Variants in TTC21B observed in about 807,000 individuals in gnomAD.
TTC21B encodes tetratricopeptide repeat protein 21B.
TTC21B carries 127 observed loss-of-function variants against 175.1 expected under a neutral mutation model. The ratio of observed to expected loss-of-function variants is 0.73; its 90% CI spans 0.63 to 0.84. The LOEUF (loss-of-function observed/expected upper bound fraction) is 0.84, where lower values mean the gene tolerates loss of function less well. TTC21B is among the 40% of genes least tolerant of loss of function. The pLI is 0.00. For missense variants in TTC21B, 1,561 were observed against 1,558.3 expected, an observed-to-expected ratio of 1.00 and a Z score of -0.03; for synonymous variants, 524 against 524.5, an observed-to-expected ratio of 1.00 and a Z score of 0.01.
In TTC21B at chr2:165,949,407, C is replaced by A. The variant is rs766745130; in HGVS notation, c.249G>T (p.Met83Ile). 2 of 1,610,534 alleles carry A rather than the reference C, an allele frequency of 1.2e-6. No homozygotes were observed. Among genetic ancestry groups the A allele is most frequent in the South Asian group, 1.1e-5 (1 of 91,010 alleles). ...SLLALIYAHKMSPNPDREAIL... is the reference protein window; with the variant it reads ...SLLALIYAHKISPNPDREAIL... ...TAAATATCATACCTGGATTAGGACT[C>A]ATTTTATGGGCATATATCAGTGCAA... Residue 83 changes from methionine (M) to isoleucine (I), a missense_variant, in exon 3 of 29, where the codon ATG (methionine) becomes ATT (isoleucine). Physicochemically the swap from Met to Ile is conservative, Grantham distance 10 (BLOSUM62 1). Coordinates refer to ENST00000243344, the MANE Select transcript of TTC21B (RefSeq NM_024753.5).
chr2:165,948,438 GT>G, intron 3 of TTC21B: 1 of 152,260 alleles, frequency 6.6e-6, no homozygotes, highest in East Asian at 1.9e-4. Flanking sequence ...ATATTTACAT[GT>G]TTTAAATAAC....
chr2:165,929,750 A>G lies in TTC21B; in HGVS notation c.1088-3T>C, dbSNP rs761658519. The G allele has an allele frequency of 6.2e-7, 1 of 1,600,502 alleles. No individual in the cohort carries two copies. The highest frequency in any genetic ancestry group is 2.2e-5 in the East Asian group (1 of 44,724). On this transcript the variant is annotated splice_region_variant and splice_polypyrimidine_tract_variant and intron_variant, in intron 9 of 28. Coordinates refer to ENST00000243344, the MANE Select transcript of TTC21B (RefSeq NM_024753.5). ...TATCAACTGACATTGGATAAATCCT[A>G]AAATCAAACAGCAGAAAGACAGTCA...
At chr2:165,944,293 C>T (rs558608437) in intron 4 of TTC21B, among the ~76,000 whole-genome samples, 1 of 152,230 alleles carries the variant, frequency 6.6e-6, no homozygotes, top group African/African-American at 2.4e-5. Context: ...TAGATCACTT[C>T]CCTTTAAGAT....
At position 165,923,263 on chromosome 2, in the gene TTC21B, G is replaced by T. The variant is rs567402332; in HGVS notation, c.1516+1286C>A. Reference sequence around the variant, plus strand: ...TTGAAATAAAAAATAAAAAAATAAAGAAAACAGAGGTCCAAGGAAGCAGTA... The same window carrying T: ...TTGAAATAAAAAATAAAAAAATAAATAAAACAGAGGTCCAAGGAAGCAGTA... On this transcript the variant is annotated intron_variant, in intron 12 of 28. Coordinates refer to ENST00000243344, the MANE Select transcript of TTC21B (RefSeq NM_024753.5). Among the ~76,000 whole-genome samples, 92 of 151,890 alleles carry T rather than the reference G, an allele frequency of 6.1e-4. 1 individual carries two copies. Among genetic ancestry groups the T allele is most frequent in the African/African-American group, 2.2e-3 (90 of 41,422 alleles).
intron 18 of TTC21B, 135 bp from the exon 19 acceptor site, chr2:165,907,919 C>A: frequency 1.6e-6 from 1 of 610,642 alleles, no homozygotes; most frequent in East Asian, 3.0e-5. Context: ...TTTTCTCAAT[C>A]AGTTGCCTGA....
chr2:165,875,016 G>A (rs1205586609), intron 28 of TTC21B, among the ~76,000 whole-genome samples, 184 bp from the exon 29 acceptor site: 1 of 152,076 alleles, frequency 6.6e-6, no homozygotes, highest in Non-Finnish European at 1.5e-5. Context: ...ATTAATGGTA[G>A]TTAGATGAGA....
At chr2:165,894,033 G>C (rs1487669952) in intron 22 of TTC21B, among the ~76,000 whole-genome samples, 1 of 152,114 alleles carries the variant, frequency 6.6e-6, no homozygotes, top group African/African-American at 2.4e-5. Context: ...TGATATGCTA[G>C]TCCTATGATG....
chr2:165,891,525 A>G (rs1358921982), intron 22 of TTC21B, among the ~76,000 whole-genome samples: 1 of 152,124 alleles, frequency 6.6e-6, no homozygotes, highest in African/African-American at 2.4e-5. Context: ...CTAGAACCTT[A>G]GCATATTAGT....
At position 165,873,700 on chromosome 2, in the gene TTC21B, C is replaced by T. The variant is rs1028814583; in HGVS notation, c.*1055G>A. The T allele has an allele frequency of 2.0e-5, 3 of 152,102 alleles. No homozygotes were observed. The highest frequency in any genetic ancestry group is 1.3e-4 in the Admixed American group (2 of 15,260). The allele number at this position is 152,102 out of a possible 1,614,324, so 9.4% of individuals were successfully genotyped here. ...AGGTTAAATATCCCTAATAAGGGACCTATTTAAATTGAGGTTTCAGGACCT... is the reference window on the plus strand; with the variant it reads ...AGGTTAAATATCCCTAATAAGGGACTTATTTAAATTGAGGTTTCAGGACCT... On this transcript the variant is annotated 3_prime_UTR_variant, in exon 29 of 29. Transcript: ENST00000243344.
intron 25 of TTC21B, 108 bp downstream of exon 25, chr2:165,888,171 G>T: frequency 1.1e-6 from 1 of 885,774 alleles, no homozygotes; most frequent in Non-Finnish European, 1.8e-6. Context: ...TTTAATAAAA[G>T]TTAAGTAATT....
intron 8 of TTC21B, 31 bp from the exon 9 acceptor site, chr2:165,930,395 C>T: frequency 6.7e-7 from 1 of 1,486,090 alleles, no homozygotes; most frequent in South Asian, 1.2e-5. Context: ...TGTAAGATTT[C>T]AAAGTCTAAC....
At position 165,915,376 on chromosome 2, in the gene TTC21B, G is replaced by A. The variant is rs138937289; in HGVS notation, c.1963C>T (p.Arg655Trp). The A allele has an allele frequency of 4.5e-5, 73 of 1,613,920 alleles. No homozygotes were observed. The highest frequency in any genetic ancestry group is 5.8e-5 in the Non-Finnish European group (68 of 1,179,990). ...HEFSGTSEEV[R>W]VTIANADLAL... ...AGGTCTGCATTAGCAATGGTAACCCGCACTTCTTCAGATGTTCCAGAAAAT... is the reference window on the plus strand; with the variant it reads ...AGGTCTGCATTAGCAATGGTAACCCACACTTCTTCAGATGTTCCAGAAAAT... The change falls in exon 15 of 29, where the codon CGG becomes TGG. Residue 655 changes from arginine (R) to tryptophan (W), a missense_variant. Physicochemically the swap from Arg to Trp is moderately radical, Grantham distance 101. Coordinates refer to ENST00000243344, the MANE Select transcript of TTC21B (RefSeq NM_024753.5).
At position 165,923,442 on chromosome 2, in the gene TTC21B, CTTTTTTTTT is replaced by C. The variant is rs772438655; in HGVS notation, c.1516+1098_1516+1106del. Among the ~76,000 whole-genome samples, 24 of 130,344 alleles carry C rather than the reference CTTTTTTTTT, an allele frequency of 1.8e-4. No individual in the cohort carries two copies. In the East Asian group the frequency reaches 4.1e-3, roughly 22 times the overall value. 85.5% of individuals were successfully genotyped at this position (130,344 alleles called of 152,430 possible). On this transcript the variant is annotated intron_variant, in intron 12 of 28. Transcript: ENST00000243344. Reference sequence around the variant, plus strand: ...ATACAGACAAGCATAATATGATGGTCTTTTTTTTTTTTTTTTTTTTCCAAGACAGAGTCT... The same window carrying C: ...ATACAGACAAGCATAATATGATGGTCTTTTTTTTTTTCCAAGACAGAGTCT...
Position 165,913,609 on chromosome 2 carries a change from G to T in TTC21B, c.2176C>A (p.Leu726Ile), listed in dbSNP as rs762535321. ...AERMANPRSFLLLGDAYMNIL... is the reference protein window; with the variant it reads ...AERMANPRSFILLGDAYMNIL... ...TTCATGTATGCATCACCAAGGAGAA[G>T]AAAAGACCGAGGGTTAGCCATTCTT... The change falls in exon 16 of 29, where the codon CTT (leucine) becomes ATT (isoleucine). Residue 726 changes from leucine to isoleucine, a missense_variant. Coordinates refer to ENST00000243344, the MANE Select transcript of TTC21B (RefSeq NM_024753.5). 9.4e-5 allele frequency: 151 copies of T among 1,612,974 alleles called. No individual in the cohort carries two copies. Among genetic ancestry groups the T allele is most frequent in the Non-Finnish European group, 1.2e-4 (138 of 1,179,374 alleles).
At chr2:165,924,252 T>C (rs558862435) in intron 12 of TTC21B, among the ~76,000 whole-genome samples, 94 of 152,292 alleles carry the variant, frequency 6.2e-4, no homozygotes, top group Non-Finnish European at 9.7e-4. Context: ...AACCATGGAT[T>C]AATGACTGTA....
chr2:165,943,184 T>G (rs1419629780), intron 5 of TTC21B, 35 bp downstream of exon 5: 2 of 1,610,132 alleles, frequency 1.2e-6, no homozygotes, highest in Admixed American at 1.7e-5. Flanking sequence ...GAATATATTT[T>G]GAAACATGAT....
chr2:165,907,592 G>T, intron 19 of TTC21B, 86 bp downstream of exon 19: 2 of 864,356 alleles, frequency 2.3e-6, no homozygotes, highest in South Asian at 1.4e-5. Context: ...TTGGCCAAAA[G>T]AGATTGCTTT....
Position 165,899,884 on chromosome 2 carries a change from T to C in TTC21B, c.2758-4A>G, listed in dbSNP as rs773942497. Reference sequence around the variant, plus strand: ...ATCGTGCCAGTTCCAACATAATCTGTAGAGCAAAGGGCTAGATTCATCAGA... The same window carrying C: ...ATCGTGCCAGTTCCAACATAATCTGCAGAGCAAAGGGCTAGATTCATCAGA... On this transcript the variant is annotated splice_region_variant and splice_polypyrimidine_tract_variant and intron_variant, in intron 20 of 28. Coordinates refer to ENST00000243344, the MANE Select transcript of TTC21B (RefSeq NM_024753.5). 1.3e-6 allele frequency: 2 copies of C among 1,570,560 alleles called. No homozygotes were observed. Among genetic ancestry groups the C allele is most frequent in the Non-Finnish European group, 1.8e-6 (2 of 1,140,966 alleles).
At chr2:165,942,894 C>T (rs1687421213) in intron 5 of TTC21B, among the ~76,000 whole-genome samples, 1 of 152,210 alleles carries the variant, frequency 6.6e-6, no homozygotes, top group South Asian at 2.1e-4. Flanking sequence ...AAGAGGTTTT[C>T]TCTTGCTCAG....
Sources: gnomAD v4.1 joint callset for allele counts (sites outside exome capture counted in the v4.1 genomes callset) on GRCh38, gnomAD v4.1.1 for gene constraint, MANE v1.5 for transcripts, NCBI Gene and HGNC (gene_info 2026-07-23, HGNC 2026-07-21) for gene names.